The following GRXCR1 variants were observed in gnomAD, a reference collection of about 807,000 sequenced individuals.
GRXCR1 encodes the protein glutaredoxin domain-containing cysteine-rich protein 1.
Under a neutral mutation model 27.3 loss-of-function variants are expected in GRXCR1, and 27 were observed. That is an observed-to-expected ratio of 0.99 (90% confidence interval 0.73 to 1.37). The LOEUF is 1.37. Ranked by LOEUF, GRXCR1 falls within the 40% of genes most tolerant of loss-of-function variation. The pLI is 0.00. For synonymous variants in GRXCR1, 122 were observed against 131.1 expected (o/e 0.93, Z 0.47); for missense variants, 379 against 354.4 (o/e 1.07, Z -0.56).
intron 2 of GRXCR1, among the ~76,000 whole-genome samples, chr4:42,992,567 G>C (rs751358343): frequency 6.6e-6 from 1 of 152,108 alleles, no homozygotes; most frequent in Admixed American, 6.6e-5. Flanking sequence ...CTGTGGAAAA[G>C]AGTGATAATC....
At chr4:42,981,719 T>C (rs992732178) in intron 2 of GRXCR1, among the ~76,000 whole-genome samples, 1 of 152,196 alleles carries the variant, frequency 6.6e-6, no homozygotes, top group South Asian at 2.1e-4. Context: ...TTGACAGTTT[T>C]ATTTTTTCTC....
intron 2 of GRXCR1, among the ~76,000 whole-genome samples, chr4:42,968,623 G>A (rs1748305392): frequency 6.6e-6 from 1 of 151,916 alleles, no homozygotes; most frequent in Non-Finnish European, 1.5e-5. Context: ...GCCATTCTTA[G>A]CACAGGTCTT....
chr4:42,910,457 C>A (rs1238163387), intron 1 of GRXCR1, among the ~76,000 whole-genome samples: 4 of 152,096 alleles, frequency 2.6e-5, no homozygotes, highest in African/African-American at 9.7e-5. Context: ...AAGAGCTGCC[C>A]CAAGAGATCT....
In GRXCR1 at chr4:42,893,567, AGCAAAAATGGCACAGTCAGAG is replaced by A; in HGVS notation, c.304_324del (p.Lys102_Gly108del). The A allele has an allele frequency of 1.2e-6, 2 of 1,613,818 alleles. No individual in the cohort carries two copies. Among genetic ancestry groups the A allele is most frequent in the Non-Finnish European group, 1.7e-6 (2 of 1,179,812 alleles). On this transcript the variant is annotated inframe_deletion, in exon 1 of 4. Coordinates refer to ENST00000399770, the MANE Select transcript of GRXCR1 (RefSeq NM_001080476.3). ...TGGTACAAGAAGAGTCAACATTTTA[AGCAAAAATGGCACAGTCAGAG>A]GCGTCAAATACAAAGTGAGTGCTGG...
chr4:43,018,369 C>A (rs1199262924), intron 2 of GRXCR1, among the ~76,000 whole-genome samples: 1 of 152,184 alleles, frequency 6.6e-6, no homozygotes, highest in Admixed American at 6.5e-5. Context: ...CATTACACCA[C>A]CTGTATACTA....
intron 2 of GRXCR1, among the ~76,000 whole-genome samples, chr4:43,008,388 A>G (rs1028234002): frequency 2.0e-5 from 3 of 152,196 alleles, no homozygotes; most frequent in African/African-American, 7.2e-5. Context: ...GAAATAGGAG[A>G]TGCACAGGTC....
chr4:42,908,903 G>A (rs147708310), intron 1 of GRXCR1, among the ~76,000 whole-genome samples: 1,613 of 152,300 alleles, frequency 0.011, 17 homozygotes, highest in Non-Finnish European at 0.016. Flanking sequence ...GTGCTGGAGA[G>A]AGGAGTGTTA....
chr4:42,934,532 G>C (rs1181563543), intron 1 of GRXCR1, among the ~76,000 whole-genome samples: 2 of 151,662 alleles, frequency 1.3e-5, no homozygotes, highest in African/African-American at 2.4e-5. Context: ...AAGGATTTTA[G>C]GTCACACATA....
At chr4:43,019,696 T>A (rs190313436) in intron 2 of GRXCR1, among the ~76,000 whole-genome samples, 3 of 152,284 alleles carry the variant, frequency 2.0e-5, no homozygotes, top group Admixed American at 2.0e-4. Flanking sequence ...GTTTTAGAAG[T>A]TAAAAGCATC....
chr4:42,967,283 C>T (rs993791486), intron 2 of GRXCR1, among the ~76,000 whole-genome samples: 1 of 151,926 alleles, frequency 6.6e-6, no homozygotes, highest in Non-Finnish European at 1.5e-5. Flanking sequence ...TTGTTCTAGG[C>T]CCCTTTGTTG....
intron 1 of GRXCR1, among the ~76,000 whole-genome samples, chr4:42,937,318 T>C (rs889905678): frequency 1.3e-5 from 2 of 150,296 alleles, no homozygotes; most frequent in Middle Eastern, 6.8e-3. Context: ...TCTGGCAATG[T>C]AAGATGATCC....
chr4:43,029,993 A>T (rs181507144), intron 3 of GRXCR1, among the ~76,000 whole-genome samples: 1 of 152,298 alleles, frequency 6.6e-6, no homozygotes, highest in East Asian at 1.9e-4. Context: ...CTGTTAAATG[A>T]TACTAATGGG....
rs143524807 is a variant in GRXCR1 at position 42,907,339 on chromosome 4, C to G, written c.384+13689C>G. Among the ~76,000 whole-genome samples the G allele has an allele frequency of 2.1e-3, 313 of 152,266 alleles. 1 individual carries two copies. Among genetic ancestry groups the G allele is most frequent in the African/African-American group, 7.4e-3 (309 of 41,558 alleles). Reference sequence around the variant, plus strand: ...TTCCTTCCATTAAGTTTATTGCATCCAAGCACAGCCTTGTCACAGTTAATG... The same window carrying G: ...TTCCTTCCATTAAGTTTATTGCATCGAAGCACAGCCTTGTCACAGTTAATG... On this transcript the variant is annotated intron_variant, in intron 1 of 3. Transcript: ENST00000399770.
chr4:42,990,150 C>T, intron 2 of GRXCR1, among the ~76,000 whole-genome samples: 1 of 123,776 alleles, frequency 8.1e-6, no homozygotes, highest in Admixed American at 8.2e-5. Context: ...CATTGTGCAA[C>T]TTCTTGAATT....
intron 3 of GRXCR1, among the ~76,000 whole-genome samples, chr4:43,026,218 G>T (rs769751784): frequency 6.6e-6 from 1 of 152,060 alleles, no homozygotes; most frequent in South Asian, 2.1e-4. Flanking sequence ...CTACAGAAGG[G>T]TTAGACTTCA....
chr4:43,002,144 T>C (rs1332233556), intron 2 of GRXCR1, among the ~76,000 whole-genome samples: 3 of 152,256 alleles, frequency 2.0e-5, no homozygotes, highest in African/African-American at 7.2e-5. Context: ...CAGGAGACAG[T>C]GGCCTTCCTC....
intron 1 of GRXCR1, among the ~76,000 whole-genome samples, chr4:42,926,718 G>A (rs891852717): frequency 1.3e-5 from 2 of 151,918 alleles, no homozygotes; most frequent in Non-Finnish European, 2.9e-5. Context: ...TCTAATTGGG[G>A]ATGATAGCTA....
intron 2 of GRXCR1, among the ~76,000 whole-genome samples, chr4:42,995,029 A>T (rs1712099373): frequency 6.6e-6 from 1 of 152,144 alleles, no homozygotes; most frequent in African/African-American, 2.4e-5. Flanking sequence ...TAAATGGACA[A>T]TTTTTAATCT....
chr4:42,894,773 G>C (rs1746311823), intron 1 of GRXCR1, among the ~76,000 whole-genome samples: 1 of 152,070 alleles, frequency 6.6e-6, no homozygotes, highest in African/African-American at 2.4e-5. Context: ...ATCAGAAACT[G>C]ATGTTGTGTT....
Sources: gnomAD v4.1 joint callset for allele counts (sites outside exome capture counted in the v4.1 genomes callset) on GRCh38, gnomAD v4.1.1 for gene constraint, MANE v1.5 for transcripts, NCBI Gene and HGNC (gene_info 2026-07-23, HGNC 2026-07-21) for gene names.